CACNA1E: variants seen among roughly 807,000 people sequenced by gnomAD.
CACNA1E encodes the protein calcium voltage-gated channel subunit alpha1 E.
A neutral mutation model predicts 259.2 loss-of-function variants in CACNA1E; 40 were observed. That is an observed-to-expected ratio of 0.15 (90% CI 0.12 to 0.20). CACNA1E has a LOEUF of 0.20. Among genes scored for constraint, CACNA1E ranks in the 10% least tolerant of loss-of-function variants. The probability of loss-of-function intolerance (pLI) is 1.00; values close to 1 mark genes in which losing one functional copy is unlikely to be tolerated. For synonymous variants in CACNA1E, 1,104 were observed against 1,138.5 expected (o/e 0.97, Z 0.61); for missense variants, 1,874 against 3,040.1 (o/e 0.62, Z 9.02).
chr1:181,390,961 C>G (rs1030407368), intron 1 of CACNA1E, among the ~76,000 whole-genome samples: 5 of 152,194 alleles, frequency 3.3e-5, no homozygotes, highest in African/African-American at 1.2e-4. Flanking sequence ...CCTGCCCTTA[C>G]CTTTCCATCT....
chr1:181,556,495 G>T (rs1359955545), intron 3 of CACNA1E, among the ~76,000 whole-genome samples: 1 of 152,184 alleles, frequency 6.6e-6, no homozygotes, highest in East Asian at 1.9e-4. Flanking sequence ...TGTGGGAGGG[G>T]GAGGCAGAGG....
intron 7 of CACNA1E, among the ~76,000 whole-genome samples, chr1:181,706,692 T>A (rs533658812): frequency 1.3e-5 from 2 of 152,236 alleles, no homozygotes; most frequent in Non-Finnish European, 2.9e-5. Context: ...GAAATCCCTC[T>A]TGTAGATTTT....
chr1:181,705,058 C>T (rs1013322105), intron 7 of CACNA1E, among the ~76,000 whole-genome samples: 3 of 152,240 alleles, frequency 2.0e-5, no homozygotes, highest in South Asian at 4.2e-4. Context: ...TGTGAATGAC[C>T]GAAGACCCTC....
At chr1:181,513,898 T>A (rs562939298) in intron 3 of CACNA1E, among the ~76,000 whole-genome samples, 2 of 152,222 alleles carry the variant, frequency 1.3e-5, no homozygotes, top group Admixed American at 6.5e-5. Context: ...GCTCTTCAGA[T>A]GTCCCTGGCT....
At chr1:181,635,539 G>A (rs1657132511) in intron 6 of CACNA1E, among the ~76,000 whole-genome samples, 1 of 152,088 alleles carries the variant, frequency 6.6e-6, no homozygotes. Flanking sequence ...GCTACTCATG[G>A]TAGACTTCTT....
intron 1 of CACNA1E, among the ~76,000 whole-genome samples, chr1:181,365,806 A>G (rs1298184628): frequency 6.6e-6 from 1 of 152,232 alleles, no homozygotes; most frequent in Non-Finnish European, 1.5e-5. Context: ...ACCTAGGCAC[A>G]GTTGGTAGTC....
At chr1:181,462,206 C>T (rs1192480554) in intron 2 of CACNA1E, among the ~76,000 whole-genome samples, 13 of 152,176 alleles carry the variant, frequency 8.5e-5, no homozygotes, top group Admixed American at 7.9e-4. Context: ...AATGAACAAT[C>T]CAATGACCAG....
At chr1:181,726,042 AG>A (rs1654877913) in intron 17 of CACNA1E, 22 bp from the exon 18 acceptor site, 1 of 1,578,366 alleles carries the variant, frequency 6.3e-7, no homozygotes, top group African/African-American at 1.3e-5. Flanking sequence ...TCCCAGGCAA[AG>A]CCATCTCTGC....
chr1:181,460,564 G>A (rs529844707), intron 2 of CACNA1E, among the ~76,000 whole-genome samples: 11 of 152,310 alleles, frequency 7.2e-5, no homozygotes, highest in South Asian at 6.2e-4. Context: ...CTTCAGCTGG[G>A]GAGAACTGAA....
In CACNA1E at chr1:181,370,168, A is replaced by G. The variant is rs561659227; in HGVS notation, c.-14-42965A>G. On this transcript the variant is annotated intron_variant, in intron 1 of 11. Transcript: ENST00000524607. ...AATACAATGAACCCTGAAAAGCTGC[A>G]TTCCAACTTGGACACTGTGTTAGTG... is the stretch of plus-strand genomic sequence containing the variant. Among the ~76,000 whole-genome samples the G allele has an allele frequency of 2.1e-3, 323 of 152,256 alleles. 1 individual carries two copies. The highest frequency in any genetic ancestry group is 7.5e-3 in the African/African-American group (313 of 41,540).
intron 3 of CACNA1E, among the ~76,000 whole-genome samples, chr1:181,563,232 A>C (rs1196138837): frequency 6.6e-6 from 1 of 152,154 alleles, no homozygotes; most frequent in Admixed American, 6.5e-5. Context: ...TTGTCATCCT[A>C]GGAGGCGGAT....
At chr1:181,629,382 A>G (rs1461243867) in intron 6 of CACNA1E, among the ~76,000 whole-genome samples, 1 of 152,178 alleles carries the variant, frequency 6.6e-6, no homozygotes, top group East Asian at 1.9e-4. Context: ...TTTTCTATCA[A>G]ATACACTTGT....
At chr1:181,433,084 A>G (rs1327534348) in intron 2 of CACNA1E, among the ~76,000 whole-genome samples, 1 of 152,124 alleles carries the variant, frequency 6.6e-6, no homozygotes, top group East Asian at 1.9e-4. Flanking sequence ...TCTCCTGGCT[A>G]CTGTTTTGAA....
intron 7 of CACNA1E, among the ~76,000 whole-genome samples, chr1:181,703,090 G>A (rs1652437961): frequency 6.6e-6 from 1 of 152,052 alleles, no homozygotes; most frequent in African/African-American, 2.4e-5. Context: ...ATACCAGCAT[G>A]CCCAATTATA....
intron 5 of CACNA1E, among the ~76,000 whole-genome samples, chr1:181,579,816 T>G (rs1651343281): frequency 6.6e-6 from 1 of 152,232 alleles, no homozygotes; most frequent in African/African-American, 2.4e-5. Context: ...CCTCCGGATC[T>G]GTGGAGACAT....
At chr1:181,602,430 G>C (rs1443993284) in intron 6 of CACNA1E, among the ~76,000 whole-genome samples, 1 of 152,134 alleles carries the variant, frequency 6.6e-6, no homozygotes, top group Non-Finnish European at 1.5e-5. Context: ...AATCTGAAAT[G>C]CTCCAATGAG....
At chr1:181,718,003 G>T in intron 11 of CACNA1E, 52 bp from the exon 12 acceptor site, 1 of 862,964 alleles carries the variant, frequency 1.2e-6, no homozygotes, top group Admixed American at 2.0e-5. Flanking sequence ...GCTGAGAAGT[G>T]CATGAGCCCA....
At chr1:181,342,907 G>C (rs976402641) in intron 1 of CACNA1E, among the ~76,000 whole-genome samples, 1 of 152,126 alleles carries the variant, frequency 6.6e-6, no homozygotes, top group South Asian at 2.1e-4. Flanking sequence ...ACAACAAAAA[G>C]GTATAGAAAC....
At chr1:181,661,085 C>T (rs867482436) in intron 7 of CACNA1E, among the ~76,000 whole-genome samples, 5 of 152,168 alleles carry the variant, frequency 3.3e-5, no homozygotes, top group South Asian at 2.1e-4. Flanking sequence ...GAAGAGCCAG[C>T]GATAGTTTGC....
Sources: allele counts gnomAD v4.1 joint callset (sites outside exome capture counted in the v4.1 genomes callset), GRCh38; gene constraint gnomAD v4.1.1; transcripts MANE v1.5; gene names NCBI Gene and HGNC (gene_info 2026-07-23, HGNC 2026-07-21).